The following XNDC1N variants were observed in gnomAD, a reference collection of about 807,000 sequenced individuals.
XNDC1N encodes the protein protein XNDC1N.
chr11:71,907,703 A>G, the XNDC1N span, among the ~76,000 whole-genome samples: 2 of 152,044 alleles, frequency 1.3e-5, no homozygotes, highest in Non-Finnish European at 2.9e-5. Flanking sequence ...TTGCAACTAG[A>G]AACTATATCA....
chr11:71,868,616 C>T, the XNDC1N span, among the ~76,000 whole-genome samples: 28,625 of 152,142 alleles, frequency 0.19, 4,923 homozygotes, highest in African/African-American at 0.45. Context: ...CCACAATCTC[C>T]TCTGGCTTAT....
the XNDC1N span, among the ~76,000 whole-genome samples, chr11:71,886,045 G>T: frequency 2.6e-5 from 4 of 151,824 alleles, no homozygotes; most frequent in African/African-American, 9.7e-5. Flanking sequence ...CTCCTCCCTC[G>T]GCAGCTCGTT....
At chr11:71,903,083 T>A in the XNDC1N span, 1 of 549,810 alleles carries the variant, frequency 1.8e-6, no homozygotes, top group South Asian at 1.9e-5. Context: ...AAACATTACT[T>A]GTGAATTGCT....
At chr11:71,914,693 A>T in the XNDC1N span, among the ~76,000 whole-genome samples, 1 of 151,768 alleles carries the variant, frequency 6.6e-6, no homozygotes, top group Non-Finnish European at 1.5e-5. Context: ...GTCTCGGGAA[A>T]AAAAAAAAAA....
At chr11:71,915,969 G>A in the XNDC1N span, 1 of 631,748 alleles carries the variant, frequency 1.6e-6, no homozygotes, top group South Asian at 1.8e-5. Flanking sequence ...GTGTGTGTGT[G>A]TGTACGTGTG....
chr11:71,897,432 G>A, the XNDC1N span, among the ~76,000 whole-genome samples: 4 of 152,306 alleles, frequency 2.6e-5, no homozygotes, highest in South Asian at 2.1e-4. Flanking sequence ...GCGAGTAGAC[G>A]TGTCCCTAAA....
At chr11:71,870,938 G>A in the XNDC1N span, among the ~76,000 whole-genome samples, 1 of 152,194 alleles carries the variant, frequency 6.6e-6, no homozygotes, top group Non-Finnish European at 1.5e-5. Context: ...TTGTAGGAAT[G>A]TAAATTAGTG....
chr11:71,915,281 T>C, the XNDC1N span, among the ~76,000 whole-genome samples: 1 of 151,998 alleles, frequency 6.6e-6, no homozygotes, highest in Non-Finnish European at 1.5e-5. Flanking sequence ...ACCCTGTCTC[T>C]ACTAAAAATA....
At chr11:71,898,910 T>C in the XNDC1N span, among the ~76,000 whole-genome samples, 1 of 152,132 alleles carries the variant, frequency 6.6e-6, no homozygotes, top group African/African-American at 2.4e-5. Context: ...ATTTATAATT[T>C]TTAATATTTA....
At chr11:71,903,005 C>A in the XNDC1N span, among the ~76,000 whole-genome samples, 74 of 152,290 alleles carry the variant, frequency 4.9e-4, no homozygotes, top group African/African-American at 1.7e-3. Flanking sequence ...ATGATGAAAG[C>A]ATTATAAGAC....
At chr11:71,884,977 C>G in the XNDC1N span, among the ~76,000 whole-genome samples, 4 of 152,046 alleles carry the variant, frequency 2.6e-5, no homozygotes, top group Non-Finnish European at 5.9e-5. Context: ...GGAGTAAGAG[C>G]CAGCCCCTCT....
chr11:71,867,933 G>A, the XNDC1N span, among the ~76,000 whole-genome samples: 4 of 152,226 alleles, frequency 2.6e-5, no homozygotes, highest in East Asian at 1.9e-4. Flanking sequence ...TCTTTTTGTA[G>A]GTCCCTAATA....
the XNDC1N span, among the ~76,000 whole-genome samples, chr11:71,895,716 A>C: frequency 6.6e-6 from 1 of 152,234 alleles, no homozygotes; most frequent in East Asian, 1.9e-4. Context: ...CATATACATA[A>C]GATGGGAAAC....
the XNDC1N span, among the ~76,000 whole-genome samples, chr11:71,888,849 G>T: frequency 6.6e-6 from 1 of 152,202 alleles, no homozygotes; most frequent in Non-Finnish European, 1.5e-5. Context: ...ATTGAAGTTT[G>T]TAACACCCTC....
the XNDC1N span, chr11:71,923,390 A>G: frequency 1.4e-6 from 1 of 702,322 alleles, no homozygotes; most frequent in African/African-American, 1.7e-5. Context: ...CAAGACAAAA[A>G]TGCTTCCTCT....
At chr11:71,886,691 A>G in the XNDC1N span, among the ~76,000 whole-genome samples, 1 of 152,196 alleles carries the variant, frequency 6.6e-6, no homozygotes, top group African/African-American at 2.4e-5. Context: ...AAGACATGAG[A>G]AGAAAACTGC....
chr11:71,901,778 G>T, the XNDC1N span, among the ~76,000 whole-genome samples: 5 of 152,032 alleles, frequency 3.3e-5, no homozygotes, highest in African/African-American at 1.2e-4. Flanking sequence ...ACTCTCATCT[G>T]ACTTGATTTC....
At chr11:71,866,562 A>G in the XNDC1N span, among the ~76,000 whole-genome samples, 3 of 152,150 alleles carry the variant, frequency 2.0e-5, no homozygotes, top group African/African-American at 7.2e-5. Context: ...TCAGGAGTTC[A>G]AGACCAGCCT....
chr11:71,899,801 G>T, the XNDC1N span, among the ~76,000 whole-genome samples: 2 of 152,198 alleles, frequency 1.3e-5, no homozygotes, highest in African/African-American at 4.8e-5. Flanking sequence ...CCCGACACCC[G>T]TAAAGGGTCT....
Sources: gnomAD v4.1 joint callset for allele counts (sites outside exome capture counted in the v4.1 genomes callset) on GRCh38, gnomAD v4.1.1 for gene constraint, MANE v1.5 for transcripts, NCBI Gene and HGNC (gene_info 2026-07-23, HGNC 2026-07-21) for gene names.